The following DNAH12 variants were observed in gnomAD, a reference collection of about 807,000 sequenced individuals.
DNAH12 encodes the protein dynein axonemal heavy chain 12.
DNAH12 carries 285 observed loss-of-function variants against 371.5 expected under a neutral mutation model. The observed-to-expected ratio is 0.77, with a 90% CI of 0.70 to 0.85. The LOEUF (loss-of-function observed/expected upper bound fraction) is 0.85, where lower values mean the gene tolerates loss of function less well. DNAH12 is among the 40% of genes least tolerant of loss of function. The probability of loss-of-function intolerance (pLI) is 0.00; values close to 1 mark genes in which losing one functional copy is unlikely to be tolerated. For missense variants in DNAH12, 3,611 were observed against 3,689.4 expected, an observed-to-expected ratio of 0.98 and a Z score of 0.55; for synonymous variants, 1,200 against 1,213.0, an observed-to-expected ratio of 0.99 and a Z score of 0.22.
At chr3:57,437,132 A>G (rs1445962302) in intron 29 of DNAH12, 72 bp from the exon 30 acceptor site, 3 of 969,062 alleles carry the variant, frequency 3.1e-6, no homozygotes, top group Non-Finnish European at 4.5e-6. Context: ...ATAAGTGTAG[A>G]TTTTAAATTT....
intron 37 of DNAH12, among the ~76,000 whole-genome samples, chr3:57,417,792 C>CAT (rs199990213): frequency 0.011 from 1,642 of 152,108 alleles, 21 homozygotes; most frequent in African/African-American, 0.032. Flanking sequence ...AATAAAGAAA[C>CAT]ATATATATAT....
upstream of DNAH12, among the ~76,000 whole-genome samples, chr3:57,548,358 T>C (rs1260896681): frequency 1.3e-5 from 2 of 152,164 alleles, no homozygotes; most frequent in Non-Finnish European, 2.9e-5. Flanking sequence ...TAATTTAGAA[T>C]TTGAAATTTG....
At chr3:57,337,167 A>T (rs1205037436) in intron 60 of DNAH12, among the ~76,000 whole-genome samples, 1 of 152,184 alleles carries the variant, frequency 6.6e-6, no homozygotes, top group African/African-American at 2.4e-5. Context: ...AACATTATAT[A>T]ATAATAAGGG....
intron 63 of DNAH12, 44 bp from the exon 64 acceptor site, chr3:57,323,304 T>G (rs2061852560): frequency 5.9e-6 from 9 of 1,526,440 alleles, no homozygotes; most frequent in Non-Finnish European, 7.9e-6. Flanking sequence ...TACTCTAAAA[T>G]TATAAAAAAG....
chr3:57,551,932 CT>C, the DNAH12 span, among the ~76,000 whole-genome samples: 534 of 139,722 alleles, frequency 3.8e-3, no homozygotes, highest in Admixed American at 4.8e-3. Flanking sequence ...AGACATTTTA[CT>C]TTTTTTTTTT....
At chr3:57,448,559 T>C (rs938308561) in intron 25 of DNAH12, among the ~76,000 whole-genome samples, 2 of 152,200 alleles carry the variant, frequency 1.3e-5, no homozygotes, top group African/African-American at 4.8e-5. Flanking sequence ...AGTAGCAAGA[T>C]TTATTGCAAA....
chr3:57,487,631 G>T (rs1480009206), intron 12 of DNAH12, among the ~76,000 whole-genome samples: 1 of 152,140 alleles, frequency 6.6e-6, no homozygotes, highest in African/African-American at 2.4e-5. Flanking sequence ...CAGTGACCTT[G>T]TACTTAACCT....
chr3:57,352,112 GA>G lies in DNAH12; in HGVS notation c.9646del (p.Ser3216ProfsTer20). The G allele has an allele frequency of 1.3e-6, 2 of 1,526,874 alleles. No individual in the cohort carries two copies. Among genetic ancestry groups the G allele is most frequent in the Non-Finnish European group, 8.8e-7 (1 of 1,140,542 alleles). 94.6% of individuals were successfully genotyped at this position (1,526,874 alleles called of 1,614,324 possible). ...AAGAAGATTGGCACATAATAAAAAGGAAAATAACAGCTTGTCCTTCTCAAAT... is the reference window on the plus strand; with the variant it reads ...AAGAAGATTGGCACATAATAAAAAGGAAATAACAGCTTGTCCTTCTCAAAT... ...SLFEKDKLLF[S>X]FLLCANLLLA... is the part of the protein sequence containing the mutation. On this transcript the variant is annotated frameshift_variant, in exon 60 of 74. Coordinates refer to ENST00000495027, the MANE Select transcript of DNAH12 (RefSeq NM_001366028.2). LOFTEE classifies it high-confidence loss of function.
rs1251588956 is a variant in DNAH12, at chr3:57,504,072, G to C, written c.1030C>G (p.Gln344Glu). The C allele has an allele frequency of 1.1e-5, 17 of 1,613,804 alleles. No homozygotes were observed. In the East Asian group the frequency reaches 1.1e-4, roughly 11 times the overall value. The change falls in exon 9 of 74, where the codon CAA becomes GAA. Residue 344 changes from glutamine to glutamate, a missense_variant. Gln to Glu is a conservative substitution (Grantham distance 29). This residue lies in a region of DNAH12 where 1,314 missense variants were observed against 1,398.7 expected (regional missense o/e 0.94). Transcript: ENST00000495027. ...CTCAAGACATTATCTTCCAAATCTT[G>C]AAAGGTAGGATAAAATTCCATTTTG... ...DDKMEFYPTFQDLEDNVLSLV... is the reference protein window; with the variant it reads ...DDKMEFYPTFEDLEDNVLSLV...
At position 57,446,571 on chromosome 3, in the gene DNAH12, C is replaced by A; in HGVS notation, c.3905G>T (p.Cys1302Phe). 6.5e-7 allele frequency: 1 copy of A among 1,543,634 alleles called. No individual in the cohort carries two copies. Among genetic ancestry groups the A allele is most frequent in the Non-Finnish European group, 8.7e-7 (1 of 1,144,124 alleles). The stretch of plus-strand genomic sequence containing the variant: ...TGCTAGATAATCTAGCCCATCAGAA[C>A]AGTTGAACACCACACACTGTACAGC... ...ALAVQCVVFN[C>F]SDGLDYLAMG... Residue 1302 changes from cysteine to phenylalanine, a missense_variant, in exon 26 of 74, where the codon TGT becomes TTT. By Grantham distance (205) the Cys-to-Phe change is radical. Around this residue, in one of 3 missense-constraint regions of DNAH12, gnomAD observed 2,266 missense variants for 2,236.9 expected, o/e 1.01. Transcript: ENST00000495027.
At chr3:57,502,067 C>G (rs1193545591) in intron 10 of DNAH12, among the ~76,000 whole-genome samples, 1 of 152,072 alleles carries the variant, frequency 6.6e-6, no homozygotes, top group African/African-American at 2.4e-5. Context: ...CCACGACGCC[C>G]GGCTAATTTT....
intron 2 of DNAH12, 118 bp downstream of exon 2, chr3:57,542,583 T>A: frequency 8.7e-7 from 1 of 1,152,768 alleles, no homozygotes; most frequent in Non-Finnish European, 1.2e-6. Flanking sequence ...TCTAATTAAC[T>A]TGAAAATAGT....
intron 57 of DNAH12, among the ~76,000 whole-genome samples, chr3:57,365,630 T>C (rs2063034165): frequency 6.6e-6 from 1 of 152,100 alleles, no homozygotes; most frequent in East Asian, 1.9e-4. Context: ...ATAGTACATA[T>C]ATAAAGTATA....
chr3:57,310,069 CCT>C (rs978089836), intron 67 of DNAH12, among the ~76,000 whole-genome samples: 20 of 152,162 alleles, frequency 1.3e-4, no homozygotes, highest in African/African-American at 4.3e-4. Context: ...GCATACATTT[CCT>C]CTTTCTTGTA....
chr3:57,511,973 T>C (rs913882297), intron 4 of DNAH12, among the ~76,000 whole-genome samples: 17 of 151,990 alleles, frequency 1.1e-4, no homozygotes, highest in Non-Finnish European at 4.4e-5. Flanking sequence ...AAAACATAGA[T>C]GAAGTCTTTT....
chr3:57,298,285 G>A (rs2107645828), intron 70 of DNAH12, among the ~76,000 whole-genome samples: 1 of 152,336 alleles, frequency 6.6e-6, no homozygotes, highest in South Asian at 2.1e-4. Flanking sequence ...ATCAAAGCCA[G>A]AGATGCAGAA....
Position 57,443,153 on chromosome 3 carries a change from A to G in DNAH12, c.4545+1544T>C, listed in dbSNP as rs2065361940. 2.6e-5 allele frequency among the ~76,000 whole-genome samples: 4 copies of G among 152,212 alleles called. No individual in the cohort carries two copies. In the South Asian group the frequency reaches 8.3e-4, roughly 32 times the overall value. Reference sequence around the variant, plus strand: ...AAGATGGAGTCTTGCTCTGTCGCACAGGCTGGAGTGCAATGGCGCAATCTC... The same window carrying G: ...AAGATGGAGTCTTGCTCTGTCGCACGGGCTGGAGTGCAATGGCGCAATCTC... On this transcript the variant is annotated intron_variant, in intron 29 of 73. Coordinates refer to ENST00000495027, the MANE Select transcript of DNAH12 (RefSeq NM_001366028.2).
At chr3:57,485,395 G>A (rs1300805674) in intron 12 of DNAH12, among the ~76,000 whole-genome samples, 1 of 146,600 alleles carries the variant, frequency 6.8e-6, no homozygotes, top group Non-Finnish European at 1.5e-5. Context: ...GATGGAGCTG[G>A]AGGCCATTAT....
In DNAH12 at chr3:57,501,385, C is replaced by T; in HGVS notation, c.1271G>A (p.Gly424Glu). The T allele has an allele frequency of 6.3e-7, 1 of 1,590,890 alleles. No homozygotes were observed. Among genetic ancestry groups the T allele is most frequent in the East Asian group, 2.3e-5 (1 of 43,848 alleles). Residue 424 changes from glycine (G) to glutamate (E), a missense_variant, in exon 11 of 74, where the codon GGG (glycine) becomes GAG (glutamate). Transcript: ENST00000495027. ...AGTCTCTATATTCTCAACTGCAGTC[C>T]CATCAAGGAGCCAATTATATTTTTC... is the stretch of plus-strand genomic sequence containing the variant. Reference protein sequence around the residue: ...YVEKYNWLLDGTAVENIETFQ... With the variant: ...YVEKYNWLLDETAVENIETFQ...
Sources: allele counts gnomAD v4.1 joint callset (sites outside exome capture counted in the v4.1 genomes callset), GRCh38; gene constraint gnomAD v4.1.1; regional missense constraint gnomAD v4.1.1; transcripts MANE v1.5; gene names NCBI Gene and HGNC (gene_info 2026-07-23, HGNC 2026-07-21).